ERLIN1: variants seen among roughly 807,000 people sequenced by gnomAD.
ERLIN1 encodes ER lipid raft associated 1.
A neutral mutation model predicts 46.9 loss-of-function variants in ERLIN1; 24 were observed. That is an observed-to-expected ratio of 0.51 (90% CI 0.37 to 0.72). The LOEUF is 0.72. Ranked by LOEUF, ERLIN1 falls within the 30% of genes least tolerant of loss-of-function variation. The probability of loss-of-function intolerance (pLI) is 0.00; values close to 1 mark genes in which losing one functional copy is unlikely to be tolerated. For missense variants in ERLIN1, 293 were observed against 417.9 expected, an observed-to-expected ratio of 0.70 and a Z score of 2.61; for synonymous variants, 158 against 143.2, an observed-to-expected ratio of 1.10 and a Z score of -0.74.
chr10:100,162,726 ATTT>A lies in ERLIN1; in HGVS notation c.655+1275_655+1277del, dbSNP rs56207703. Reference sequence around the variant, plus strand: ...CAAAAACATAAATATATAAGCTCTGATTTTTTATTTTTGATTCAACAGACATAA... The same window carrying A: ...CAAAAACATAAATATATAAGCTCTGATTTATTTTTGATTCAACAGACATAA... On this transcript the variant is annotated intron_variant, in intron 8 of 10. Transcript: ENST00000421367. Among the ~76,000 whole-genome samples the A allele has an allele frequency of 6.7e-3, 1,020 of 152,340 alleles. 8 individuals are homozygous for A. Among genetic ancestry groups the A allele is most frequent in the Non-Finnish European group, 0.011 (739 of 68,010 alleles).
At chr10:100,174,479 G>A (rs1483230081) in intron 5 of ERLIN1, among the ~76,000 whole-genome samples, 198 bp from the exon 6 acceptor site, 2 of 152,168 alleles carry the variant, frequency 1.3e-5, no homozygotes, top group Non-Finnish European at 1.5e-5. Context: ...ATTAAGGAAC[G>A]AAGATGACAA....
intron 8 of ERLIN1, among the ~76,000 whole-genome samples, chr10:100,160,523 A>G (rs1843310425): frequency 6.6e-6 from 1 of 152,234 alleles, no homozygotes; most frequent in South Asian, 2.1e-4. Context: ...AATTATCAGC[A>G]AACTATATAA....
chr10:100,183,148 C>T (rs1354723405), intron 2 of ERLIN1, among the ~76,000 whole-genome samples: 1 of 152,232 alleles, frequency 6.6e-6, no homozygotes, highest in Non-Finnish European at 1.5e-5. Context: ...AAAGTGGTCA[C>T]AGCCTAATCC....
At chr10:100,176,951 G>C (rs1033803470) in intron 4 of ERLIN1, among the ~76,000 whole-genome samples, 1 of 152,048 alleles carries the variant, frequency 6.6e-6, no homozygotes, top group East Asian at 1.9e-4. Flanking sequence ...GTGAAACACT[G>C]TCTCTACTAA....
intron 8 of ERLIN1, 46 bp downstream of exon 8, chr10:100,163,958 C>T (rs756329962): frequency 7.7e-7 from 1 of 1,292,852 alleles, no homozygotes; most frequent in South Asian, 1.2e-5. Flanking sequence ...AAGAACAGGA[C>T]AAACAAATGT....
intron 2 of ERLIN1, among the ~76,000 whole-genome samples, chr10:100,182,125 T>A (rs1428351716): frequency 1.3e-5 from 2 of 151,966 alleles, no homozygotes; most frequent in Non-Finnish European, 2.9e-5. Flanking sequence ...TGACTTAACA[T>A]ACTAAGCATG....
intron 2 of ERLIN1, 21 bp downstream of exon 2, chr10:100,183,735 C>T (rs764130362): frequency 1.3e-6 from 2 of 1,558,174 alleles, no homozygotes; most frequent in Non-Finnish European, 1.8e-6. Context: ...GGTATGGAGG[C>T]TTCCCCTAGG....
rs752052060 is a variant in ERLIN1 at position 100,150,886 on chromosome 10, G to A, written c.*1245C>T. The A allele has an allele frequency of 4.6e-5, 7 of 152,172 alleles. No homozygotes were observed. The highest frequency in any genetic ancestry group is 5.9e-5 in the Non-Finnish European group (4 of 68,040). 9.4% of individuals were successfully genotyped at this position (152,172 alleles called of 1,614,324 possible). A position where few individuals can be genotyped will look rare whatever the true frequency, so the allele number is the denominator to read the frequency against. ...ACAGGTTAACTCTGTTGTTTCTCATGGAAAATTAAATTCACTGGCTGCCCA... is the reference window on the plus strand; with the variant it reads ...ACAGGTTAACTCTGTTGTTTCTCATAGAAAATTAAATTCACTGGCTGCCCA... On this transcript the variant is annotated 3_prime_UTR_variant, in exon 11 of 11. Coordinates refer to ENST00000421367, the MANE Select transcript of ERLIN1 (RefSeq NM_006459.4).
In ERLIN1 at chr10:100,151,112, A is replaced by G. The variant is rs1842782226; in HGVS notation, c.*1019T>C. ...TGCTTGTGACCATGGCAGCCCTAGG[A>G]CTTGGGCCTTTAGACAGAGGTGATG... is the stretch of plus-strand genomic sequence containing the variant. On this transcript the variant is annotated 3_prime_UTR_variant, in exon 11 of 11. Coordinates refer to ENST00000421367, the MANE Select transcript of ERLIN1 (RefSeq NM_006459.4). 6.6e-6 allele frequency: 1 copy of G among 152,630 alleles called. No homozygotes were observed. The allele number at this position is 152,630 out of a possible 1,614,324, so 9.5% of individuals were successfully genotyped here.
At chr10:100,155,444 C>T (rs545898742) in intron 9 of ERLIN1, among the ~76,000 whole-genome samples, 13 of 151,216 alleles carry the variant, frequency 8.6e-5, no homozygotes, top group African/African-American at 2.2e-4. Flanking sequence ...TGTTTTTCCC[C>T]CCAATTAATT....
intron 6 of ERLIN1, among the ~76,000 whole-genome samples, chr10:100,169,611 C>A (rs1193249512): frequency 6.8e-6 from 1 of 147,728 alleles, no homozygotes; most frequent in African/African-American, 2.6e-5. Context: ...CAATCACATT[C>A]CTCAATGATT....
At chr10:100,181,917 G>A (rs1420011645) in intron 2 of ERLIN1, among the ~76,000 whole-genome samples, 1 of 152,172 alleles carries the variant, frequency 6.6e-6, no homozygotes, top group African/African-American at 2.4e-5. Flanking sequence ...GCTGGCTCTA[G>A]CCCATGTAAA....
Position 100,185,943 on chromosome 10 carries a change from C to G in ERLIN1, c.-317G>C. The G allele has an allele frequency of 2.1e-6, 1 of 466,530 alleles. No homozygotes were observed. Among genetic ancestry groups the G allele is most frequent in the Non-Finnish European group, 3.8e-6 (1 of 265,708 alleles). 28.9% of individuals were successfully genotyped at this position (466,530 alleles called of 1,614,324 possible). ...GCCGCAGGCTCGCGAGGAAAGCCGA[C>G]CCCTCGGCCGCGCCTCACCGATCAG... On this transcript the variant is annotated 5_prime_UTR_variant, in exon 1 of 11. Coordinates refer to ENST00000421367, the MANE Select transcript of ERLIN1 (RefSeq NM_006459.4).
rs905334904 is a variant in ERLIN1 at position 100,168,666 on chromosome 10, A to G, written c.505-1260T>C. 4.0e-5 allele frequency among the ~76,000 whole-genome samples: 6 copies of G among 151,622 alleles called. No homozygotes were observed. The East Asian group carries it at 1.2e-3, about 29-fold the overall frequency. The stretch of plus-strand genomic sequence containing the variant: ...ATATCTTTTTAGCCTTATTAAAAGA[A>G]GCGTAAAGTAGGACTTTTTTTTTTT... On this transcript the variant is annotated intron_variant, in intron 6 of 10. Transcript: ENST00000421367.
At chr10:100,170,854 G>A (rs1843951775) in intron 6 of ERLIN1, among the ~76,000 whole-genome samples, 1 of 152,138 alleles carries the variant, frequency 6.6e-6, no homozygotes, top group Non-Finnish European at 1.5e-5. Flanking sequence ...GAGTAGGAAT[G>A]GGAAGATCAA....
Position 100,185,969 on chromosome 10 carries a change from T to C in ERLIN1, c.-343A>G. ...CCCTCGGCCGCGCCTCACCGATCAG[T>C]GACGCATCGCCCCCGCCCGCACGTG... On this transcript the variant is annotated 5_prime_UTR_variant, in exon 1 of 11. Transcript: ENST00000421367. 2.2e-6 allele frequency: 1 copy of C among 451,822 alleles called. No individual in the cohort carries two copies. Among genetic ancestry groups the C allele is most frequent in the Non-Finnish European group, 3.9e-6 (1 of 257,716 alleles). 28.0% of individuals were successfully genotyped at this position (451,822 alleles called of 1,614,324 possible). A position where few individuals can be genotyped will look rare whatever the true frequency, so the allele number is the denominator to read the frequency against.
chr10:100,165,888 G>A (rs1171825981), intron 7 of ERLIN1, among the ~76,000 whole-genome samples: 1 of 152,140 alleles, frequency 6.6e-6, no homozygotes, highest in East Asian at 1.9e-4. Context: ...ACCATGTCCA[G>A]CTAATTTTTC....
chr10:100,166,131 G>A (rs1843624516), intron 7 of ERLIN1, among the ~76,000 whole-genome samples: 1 of 152,184 alleles, frequency 6.6e-6, no homozygotes, highest in African/African-American at 2.4e-5. Context: ...ATGAAAAAGA[G>A]AAAACAGGCT....
At chr10:100,165,456 G>A (rs1026582344) in intron 7 of ERLIN1, among the ~76,000 whole-genome samples, 8 of 144,680 alleles carry the variant, frequency 5.5e-5, no homozygotes, top group Admixed American at 2.9e-4. Flanking sequence ...GCACTATCTC[G>A]ACTCACTGCA....
Sources: gnomAD v4.1 joint callset for allele counts (sites outside exome capture counted in the v4.1 genomes callset) on GRCh38, gnomAD v4.1.1 for gene constraint, MANE v1.5 for transcripts, NCBI Gene and HGNC (gene_info 2026-07-23, HGNC 2026-07-21) for gene names.